The following CALD1 variants were observed in gnomAD, a reference collection of about 807,000 sequenced individuals.
CALD1 encodes the protein caldesmon 1, also known as caldesmon.
CALD1 carries 33 observed loss-of-function variants against 99.9 expected under a neutral mutation model. The ratio of observed to expected loss-of-function variants is 0.33; its 90% confidence interval spans 0.25 to 0.44. CALD1 has a LOEUF of 0.44. CALD1 is among the 20% of genes least tolerant of loss of function. CALD1 has a pLI of 1.00. For missense variants in CALD1, 861 were observed against 962.1 expected (o/e 0.89, Z 1.39); for synonymous variants, 310 against 325.0 (o/e 0.95, Z 0.50).
intron 3 of CALD1, among the ~76,000 whole-genome samples, chr7:134,905,862 A>G (rs112980777): frequency 7.8e-4 from 118 of 150,522 alleles, no homozygotes; most frequent in African/African-American, 2.8e-3. Context: ...TTAATCTCAC[A>G]TGACTTTGTA....
the CALD1 span, among the ~76,000 whole-genome samples, chr7:134,718,509 A>G: frequency 6.6e-6 from 1 of 152,154 alleles, no homozygotes; most frequent in Non-Finnish European, 1.5e-5. Context: ...ACTTATATTT[A>G]TTTGTATACA....
intron 1 of CALD1, among the ~76,000 whole-genome samples, chr7:134,825,496 A>G (rs1412098543): frequency 6.6e-6 from 1 of 152,202 alleles, no homozygotes; most frequent in Admixed American, 6.5e-5. Flanking sequence ...GAGAAAAATT[A>G]GCATTTTAAA....
rs1001559915 is a variant in CALD1 at position 134,773,031 on chromosome 7, A to C, written c.-130+28668A>C. On this transcript the variant is annotated intron_variant, in intron 1 of 13. Transcript: ENST00000417172. ...GAAGCATATAACCTTGGAACTTGATAATTTCAGAATGAAATATGTTTTCAT... is the reference window on the plus strand; with the variant it reads ...GAAGCATATAACCTTGGAACTTGATCATTTCAGAATGAAATATGTTTTCAT... Among the ~76,000 whole-genome samples, 4 of 152,202 alleles carry C rather than the reference A, an allele frequency of 2.6e-5. No individual in the cohort carries two copies. In the East Asian group the frequency reaches 7.7e-4, roughly 29 times the overall value.
At chr7:134,859,798 C>G (rs1422529024) in intron 2 of CALD1, among the ~76,000 whole-genome samples, 1 of 152,162 alleles carries the variant, frequency 6.6e-6, no homozygotes, top group African/African-American at 2.4e-5. Context: ...AACCTAAAGT[C>G]CCTAAACATG....
chr7:134,926,887 T>C (rs1805065153), intron 3 of CALD1, among the ~76,000 whole-genome samples: 1 of 152,186 alleles, frequency 6.6e-6, no homozygotes, highest in South Asian at 2.1e-4. Context: ...ATTGTACACT[T>C]TAAAATATGC....
chr7:134,809,568 C>T (rs1798277761), intron 1 of CALD1: 1 of 152,172 alleles, frequency 6.6e-6, no homozygotes, highest in Non-Finnish European at 1.5e-5. Context: ...ATGTTTGTTA[C>T]ATTCTGCTCA....
At chr7:134,724,557 T>C in the CALD1 span, among the ~76,000 whole-genome samples, 1 of 152,232 alleles carries the variant, frequency 6.6e-6, no homozygotes, top group African/African-American at 2.4e-5. Context: ...GCATATGCAA[T>C]ATGATTTCAC....
chr7:134,863,302 A>C (rs1800642920), intron 2 of CALD1, among the ~76,000 whole-genome samples: 1 of 152,238 alleles, frequency 6.6e-6, no homozygotes, highest in African/African-American at 2.4e-5. Context: ...CACATAGTAC[A>C]TATTCAATAA....
At chr7:134,779,490 T>G (rs549255304), upstream of CALD1, 1 of 390,722 alleles carries the variant, frequency 2.6e-6, no homozygotes, top group Admixed American at 4.5e-5. Flanking sequence ...GGCTGGGGTG[T>G]CGTCATTGGC....
intron 3 of CALD1, among the ~76,000 whole-genome samples, chr7:134,919,159 T>C (rs1244885392): frequency 2.0e-5 from 3 of 152,200 alleles, no homozygotes; most frequent in Admixed American, 6.5e-5. Flanking sequence ...AATATGTGCA[T>C]GGATTCAGAA....
chr7:134,796,294 T>G (rs1563007466), intron 1 of CALD1, among the ~76,000 whole-genome samples: 1 of 152,196 alleles, frequency 6.6e-6, no homozygotes, highest in Non-Finnish European at 1.5e-5. Flanking sequence ...GCCTTTTCCC[T>G]TCTCTATGAT....
intron 4 of CALD1, among the ~76,000 whole-genome samples, chr7:134,930,995 T>C (rs1427224049): frequency 6.6e-6 from 1 of 152,236 alleles, no homozygotes; most frequent in East Asian, 1.9e-4. Context: ...ACTGGTGATC[T>C]GTAGTTTTCT....
rs542200602 is a variant in CALD1, at chr7:134,784,942, C to T, written c.-130+5193C>T. 2.6e-5 allele frequency among the ~76,000 whole-genome samples: 4 copies of T among 152,242 alleles called. No homozygotes were observed. The South Asian group carries it at 6.2e-4, about 24-fold the overall frequency. On this transcript the variant is annotated intron_variant, in intron 1 of 14. Transcript: ENST00000361675. ...CCTGAGAGAGGAGATCTGATTGGTT[C>T]AGTCAAAGACTATTGTCTTTGGCAA... is the stretch of plus-strand genomic sequence containing the variant.
intron 1 of CALD1, among the ~76,000 whole-genome samples, chr7:134,787,955 AT>A (rs1426987067): frequency 1.3e-5 from 2 of 152,112 alleles, no homozygotes; most frequent in African/African-American, 4.8e-5. Flanking sequence ...CTAAAAAGGA[AT>A]TAGATTAGAA....
At chr7:134,798,475 A>G (rs1797829986) in intron 1 of CALD1, among the ~76,000 whole-genome samples, 1 of 152,230 alleles carries the variant, frequency 6.6e-6, no homozygotes, top group South Asian at 2.1e-4. Flanking sequence ...TAGAGTGAAC[A>G]CATTTACCTG....
chr7:134,916,920 G>A (rs909206745), intron 3 of CALD1, among the ~76,000 whole-genome samples: 5 of 152,146 alleles, frequency 3.3e-5, no homozygotes, highest in South Asian at 2.1e-4. Flanking sequence ...ATTTGAAGAC[G>A]ACAGTGGAAA....
At chr7:134,735,594 T>A in the CALD1 span, among the ~76,000 whole-genome samples, 1 of 151,692 alleles carries the variant, frequency 6.6e-6, no homozygotes, top group African/African-American at 2.4e-5. Context: ...TGTGTGTGTG[T>A]GTGTGTGTGT....
chr7:134,771,183 T>A (rs1562992667), intron 1 of CALD1, among the ~76,000 whole-genome samples: 3 of 152,178 alleles, frequency 2.0e-5, no homozygotes, highest in East Asian at 3.8e-4. Flanking sequence ...AGGTAACTCA[T>A]TCCTGGTTTT....
Position 134,951,611 on chromosome 7 carries a change from C to A in CALD1, c.1935+1097C>A, listed in dbSNP as rs1469865245. On this transcript the variant is annotated intron_variant, in intron 9 of 14. Coordinates refer to ENST00000361675, the MANE Select transcript of CALD1 (RefSeq NM_033138.4). ...ATGTGACTTGGAAAGGGTCCTTTTC[C>A]AGGATGGCTTTGGTCCTATGACAGC... is the stretch of plus-strand genomic sequence containing the variant. 2.6e-5 allele frequency among the ~76,000 whole-genome samples: 4 copies of A among 152,100 alleles called. No individual in the cohort carries two copies. The East Asian group carries it at 7.7e-4, about 29-fold the overall frequency.
Sources: gnomAD v4.1 joint callset for allele counts (sites outside exome capture counted in the v4.1 genomes callset) on GRCh38, gnomAD v4.1.1 for gene constraint, MANE v1.5 for transcripts, NCBI Gene and HGNC (gene_info 2026-07-23, HGNC 2026-07-21) for gene names.